FHOD3: variants seen among roughly 807,000 people sequenced by gnomAD.
The protein encoded by FHOD3 is FH1/FH2 domain-containing protein 3.
Under a neutral mutation model 173.0 loss-of-function variants are expected in FHOD3, and 90 were observed. The observed-to-expected ratio is 0.52, with a 90% CI of 0.44 to 0.62. The LOEUF is 0.62. Ranked by LOEUF, FHOD3 falls within the 20% of genes least tolerant of loss-of-function variation. FHOD3 has a pLI of 0.00. For missense variants in FHOD3, 1,945 were observed against 2,034.7 expected (o/e 0.96, Z 0.85); for synonymous variants, 828 against 823.0 (o/e 1.01, Z -0.10).
chr18:36,665,728 A>C (rs2037138283), intron 14 of FHOD3, among the ~76,000 whole-genome samples: 1 of 152,160 alleles, frequency 6.6e-6, no homozygotes, highest in African/African-American at 2.4e-5. Context: ...GCAAAAGAAG[A>C]GTGAGTTGGC....
chr18:36,708,063 C>T (rs2039978901), intron 17 of FHOD3, among the ~76,000 whole-genome samples: 1 of 151,932 alleles, frequency 6.6e-6, no homozygotes, highest in Admixed American at 6.6e-5. Context: ...GGGTTTTGCT[C>T]AGAAAAAATA....
At chr18:36,750,975 T>G (rs1235100887) in intron 24 of FHOD3, among the ~76,000 whole-genome samples, 1 of 152,216 alleles carries the variant, frequency 6.6e-6, no homozygotes, top group Non-Finnish European at 1.5e-5. Context: ...CTTTTTTTGT[T>G]CCATATGAAT....
chr18:36,594,789 C>A lies in FHOD3; in HGVS notation c.609C>A (p.Phe203Leu). 6.2e-7 allele frequency: 1 copy of A among 1,612,128 alleles called. No homozygotes were observed. Among genetic ancestry groups the A allele is most frequent in the Middle Eastern group, 1.7e-4 (1 of 6,042 alleles). ...GATGGTTTTATCTCTTCTGCCAGTT[C>A]CGCCTGGTGGTGAAGACAGCCCTGA... ...QWLYTLIGSK[F>L]RLVVKTALKL... The change falls in exon 7 of 29, where the codon TTC becomes TTA. Residue 203 changes from phenylalanine to leucine, a missense_variant and splice_region_variant. By Grantham distance (22) the Phe-to-Leu change is conservative. Transcript: ENST00000590592.
In FHOD3 at chr18:36,369,498, C is replaced by CACATAT. The variant is rs1555682884; in HGVS notation, c.273-3181_273-3180insCATATA. ...ACACACACACACACACACACACACA[C>CACATAT]ATATATATAGAGAGAGAGAGAGAGA... is the stretch of plus-strand genomic sequence containing the variant. On this transcript the variant is annotated intron_variant, in intron 2 of 28. Transcript: ENST00000590592. Among the ~76,000 whole-genome samples, 70 of 95,970 alleles carry CACATAT rather than the reference C, an allele frequency of 7.3e-4. No homozygotes were observed. The Middle Eastern group carries it at 0.016, about 22-fold the overall frequency. The allele number at this position is 95,970 out of a possible 152,430, so 63.0% of individuals were successfully genotyped here. A position where few individuals can be genotyped will look rare whatever the true frequency, so the allele number is the denominator to read the frequency against.
chr18:36,601,151 T>C (rs1195891887), intron 7 of FHOD3, among the ~76,000 whole-genome samples: 2 of 152,310 alleles, frequency 1.3e-5, no homozygotes, highest in East Asian at 3.9e-4. Context: ...AAGGAGATAA[T>C]TCAGTAGTCA....
intron 11 of FHOD3, among the ~76,000 whole-genome samples, chr18:36,651,793 T>C (rs1346021043): frequency 6.6e-6 from 1 of 152,128 alleles, no homozygotes; most frequent in Non-Finnish European, 1.5e-5. Context: ...AAAGTGATGA[T>C]TTGATATATG....
intron 3 of FHOD3, among the ~76,000 whole-genome samples, chr18:36,430,302 C>T (rs141175293): frequency 8.5e-5 from 13 of 152,266 alleles, no homozygotes; most frequent in South Asian, 2.1e-4. Context: ...CCAGAACCTC[C>T]GCCTCCCGAG....
At chr18:36,677,637 G>A (rs931694349) in intron 14 of FHOD3, among the ~76,000 whole-genome samples, 11 of 152,224 alleles carry the variant, frequency 7.2e-5, no homozygotes, top group Admixed American at 3.3e-4. Context: ...CCACTTTGAC[G>A]GGCAATCATT....
intron 5 of FHOD3, among the ~76,000 whole-genome samples, chr18:36,538,928 G>T (rs554933729): frequency 7.8e-4 from 119 of 152,328 alleles, no homozygotes; most frequent in Non-Finnish European, 1.6e-3. Context: ...AAAGTGAAAT[G>T]CTTGGTCTTG....
intron 4 of FHOD3, among the ~76,000 whole-genome samples, chr18:36,511,846 T>G (rs959775160): frequency 1.3e-5 from 2 of 152,186 alleles, no homozygotes; most frequent in Non-Finnish European, 2.9e-5. Context: ...AGGCGGTCCT[T>G]TCGAGGGATT....
intron 5 of FHOD3, among the ~76,000 whole-genome samples, chr18:36,547,536 G>A (rs2057461514): frequency 6.6e-6 from 1 of 152,098 alleles, no homozygotes; most frequent in Admixed American, 6.5e-5. Flanking sequence ...GCCTCCCAAA[G>A]CTAAGATTAT....
chr18:36,322,652 G>T lies in FHOD3; in HGVS notation c.165+24652G>T, dbSNP rs115836836. ...TCATCACCTGCACCTGGAACCTTGTGCCCCTTCATAAAGCATGAAGCATTC... is the reference window on the plus strand; with the variant it reads ...TCATCACCTGCACCTGGAACCTTGTTCCCCTTCATAAAGCATGAAGCATTC... On this transcript the variant is annotated intron_variant, in intron 1 of 28. Transcript: ENST00000590592. Among the ~76,000 whole-genome samples the T allele has an allele frequency of 5.8e-3, 885 of 152,218 alleles. 9 individuals carry two copies. Among genetic ancestry groups the T allele is most frequent in the African/African-American group, 0.02 (828 of 41,536 alleles).
chr18:36,687,492 A>AC (rs2038700705), intron 16 of FHOD3, among the ~76,000 whole-genome samples: 3 of 152,194 alleles, frequency 2.0e-5, no homozygotes, highest in Non-Finnish European at 1.5e-5. Context: ...TTCCTAATGC[A>AC]TGCTTTTATG....
At chr18:36,332,265 G>A (rs1442551944) in intron 1 of FHOD3, among the ~76,000 whole-genome samples, 2 of 152,244 alleles carry the variant, frequency 1.3e-5, no homozygotes, top group African/African-American at 4.8e-5. Context: ...GCCCCAGGAT[G>A]TCTGTGGGGA....
intron 4 of FHOD3, 111 bp from the exon 5 acceptor site, chr18:36,512,327 C>A: frequency 1.3e-6 from 1 of 761,346 alleles, no homozygotes; most frequent in Non-Finnish European, 2.3e-6. Flanking sequence ...GCAGAGCAAT[C>A]TGTAGGGTCC....
intron 19 of FHOD3, among the ~76,000 whole-genome samples, chr18:36,724,848 G>A (rs2040975524): frequency 6.6e-6 from 1 of 152,214 alleles, no homozygotes; most frequent in African/African-American, 2.4e-5. Context: ...CCGGTAGTTG[G>A]AGCTCCGAAG....
intron 3 of FHOD3, among the ~76,000 whole-genome samples, chr18:36,405,603 TAAC>T (rs1230729677): frequency 6.6e-6 from 1 of 152,124 alleles, no homozygotes; most frequent in East Asian, 1.9e-4. Flanking sequence ...GGAAATAGGA[TAAC>T]AACAACAACA....
chr18:36,497,753 T>C (rs1301880811), intron 3 of FHOD3, among the ~76,000 whole-genome samples: 1 of 152,174 alleles, frequency 6.6e-6, no homozygotes, highest in African/African-American at 2.4e-5. Flanking sequence ...TCCACTGTAA[T>C]AGTTGGAGAC....
intron 1 of FHOD3, among the ~76,000 whole-genome samples, chr18:36,317,693 G>C (rs2044196965): frequency 1.3e-5 from 2 of 152,200 alleles, no homozygotes; most frequent in Non-Finnish European, 1.5e-5. Context: ...GCACTTTGCT[G>C]ATAGTTTCTT....
Sources: allele counts gnomAD v4.1 joint callset (sites outside exome capture counted in the v4.1 genomes callset), GRCh38; gene constraint gnomAD v4.1.1; transcripts MANE v1.5; gene names NCBI Gene and HGNC (gene_info 2026-07-23, HGNC 2026-07-21).